ZMAT5: variants seen among roughly 807,000 people sequenced by gnomAD.
The protein encoded by ZMAT5 is zinc finger matrin-type protein 5.
A neutral mutation model predicts 28.0 loss-of-function variants in ZMAT5; 23 were observed. The ratio of observed to expected loss-of-function variants is 0.82; its 90% CI spans 0.59 to 1.16. ZMAT5 has a LOEUF of 1.16. Among genes scored for constraint, ZMAT5 ranks in the 50% most tolerant of loss-of-function variants. The pLI, the probability that ZMAT5 is intolerant of heterozygous loss-of-function variation, is 0.00. For missense variants in ZMAT5, 173 were observed against 212.7 expected, an observed-to-expected ratio of 0.81 and a Z score of 1.16; for synonymous variants, 76 against 84.1, an observed-to-expected ratio of 0.90 and a Z score of 0.52.
intron 5 of ZMAT5, among the ~76,000 whole-genome samples, chr22:29,735,654 C>A (rs2147215611): frequency 6.6e-6 from 1 of 152,278 alleles, no homozygotes; most frequent in East Asian, 1.9e-4. Flanking sequence ...TCAGGATGGC[C>A]CCACCTCCTG....
intron 2 of ZMAT5, chr22:29,747,996 C>T (rs879294095): frequency 1.4e-5 from 4 of 287,584 alleles, no homozygotes; most frequent in Non-Finnish European, 2.8e-5. Context: ...CCTCCACAGG[C>T]TTGGAAGATC....
intron 1 of ZMAT5, 100 bp from the exon 2 acceptor site, chr22:29,748,671 T>A (rs2232897): frequency 6.9e-7 from 1 of 1,452,894 alleles, no homozygotes; most frequent in Admixed American, 2.0e-5. Context: ...GCCCAGGCTT[T>A]ACTCATATGC....
intron 1 of ZMAT5, among the ~76,000 whole-genome samples, chr22:29,764,573 T>G (rs1036175914): frequency 6.6e-6 from 1 of 152,180 alleles, no homozygotes; most frequent in Admixed American, 6.5e-5. Context: ...CGATCTCAGT[T>G]AGTGGCAGCC....
intron 5 of ZMAT5, 90 bp from the exon 6 acceptor site, chr22:29,731,444 T>C: frequency 1.4e-6 from 2 of 1,478,720 alleles, no homozygotes; most frequent in Non-Finnish European, 1.8e-6. Flanking sequence ...CCACCCTGGC[T>C]GTGGGGAGGG....
intron 4 of ZMAT5, among the ~76,000 whole-genome samples, chr22:29,740,004 G>T (rs1356858452): frequency 2.0e-5 from 3 of 152,252 alleles, no homozygotes; most frequent in African/African-American, 7.2e-5. Context: ...GAGACCTGGA[G>T]TCTGCCCCCA....
At chr22:29,755,922 A>C (rs2068097475) in intron 1 of ZMAT5, among the ~76,000 whole-genome samples, 1 of 152,344 alleles carries the variant, frequency 6.6e-6, no homozygotes, top group African/African-American at 2.4e-5. Context: ...GGCTGACCCC[A>C]GAGCCCACTC....
chr22:29,757,198 A>G (rs2068110061), intron 1 of ZMAT5, among the ~76,000 whole-genome samples: 1 of 144,732 alleles, frequency 6.9e-6, no homozygotes, highest in South Asian at 2.3e-4. Flanking sequence ...CCTGGACAAC[A>G]GGGTGAGACC....
At chr22:29,756,580 G>A (rs2068103454) in intron 1 of ZMAT5, among the ~76,000 whole-genome samples, 1 of 152,130 alleles carries the variant, frequency 6.6e-6, no homozygotes, top group African/African-American at 2.4e-5. Context: ...ACAGGGCCAG[G>A]ATGTAAGAAA....
intron 1 of ZMAT5, among the ~76,000 whole-genome samples, chr22:29,763,120 C>T (rs1219171011): frequency 6.6e-6 from 1 of 151,874 alleles, no homozygotes; most frequent in Non-Finnish European, 1.5e-5. Context: ...TGGTGAAAAC[C>T]CATCTGTACT....
At position 29,731,246 on chromosome 22, in the gene ZMAT5, C is replaced by T. The variant is rs2067839323; in HGVS notation, c.492G>A (p.Gln164=). 1 of 1,510,848 alleles carries T rather than the reference C, an allele frequency of 6.6e-7. No homozygotes were observed. Among genetic ancestry groups the T allele is most frequent in the Non-Finnish European group, 8.7e-7 (1 of 1,143,076 alleles). 93.6% of individuals were successfully genotyped at this position (1,510,848 alleles called of 1,614,324 possible). A position where few individuals can be genotyped will look rare whatever the true frequency, so the allele number is the denominator to read the frequency against. ...RAPPPGGWPL[Q]PRVQWG ...GGGCTCAGCCCCACTGGACTCTGGG[C>T]TGCAGAGGCCACCCCCCAGGTGGGG... Residue 164 remains glutamine (Q), a synonymous_variant, in exon 6 of 6, where the codon CAG becomes CAA. Transcript: ENST00000344318.
chr22:29,740,569 C>A, intron 4 of ZMAT5, 81 bp downstream of exon 4: 1 of 1,409,684 alleles, frequency 7.1e-7, no homozygotes. Flanking sequence ...GATAGGGAGG[C>A]ATAGGCCAGC....
intron 4 of ZMAT5, 144 bp from the exon 5 acceptor site, chr22:29,738,585 G>A: frequency 3.1e-6 from 2 of 648,092 alleles, no homozygotes; most frequent in African/African-American, 1.8e-5. Context: ...CACCTGGACT[G>A]CTTCTCCAGG....
At chr22:29,742,038 G>A (rs1458017785) in intron 3 of ZMAT5, among the ~76,000 whole-genome samples, 3 of 152,094 alleles carry the variant, frequency 2.0e-5, no homozygotes. Context: ...TTCTGATCCT[G>A]AACTTCCTCA....
chr22:29,737,331 A>AAAAG (rs892582260), intron 5 of ZMAT5, among the ~76,000 whole-genome samples: 2 of 152,188 alleles, frequency 1.3e-5, no homozygotes, highest in Admixed American at 6.5e-5. Flanking sequence ...CCATCACAAA[A>AAAAG]AAAGAAAGAA....
At chr22:29,733,508 C>A (rs1027464165) in intron 5 of ZMAT5, among the ~76,000 whole-genome samples, 1 of 152,238 alleles carries the variant, frequency 6.6e-6, no homozygotes, top group Non-Finnish European at 1.5e-5. Context: ...ACATCCCCTG[C>A]TTCATGGCTC....
At position 29,742,392 on chromosome 22, in the gene ZMAT5, G is replaced by C. The variant is rs539943416; in HGVS notation, c.190+26C>G. On this transcript the variant is annotated intron_variant, in intron 3 of 5. Coordinates refer to ENST00000344318, the MANE Select transcript of ZMAT5 (RefSeq NM_001003692.2). Reference sequence around the variant, plus strand: ...GCTGGATATCGCAGGTCCCCGCAGGGACCTGAGCTGTGCAGAGGACTTTAC... The same window carrying C: ...GCTGGATATCGCAGGTCCCCGCAGGCACCTGAGCTGTGCAGAGGACTTTAC... 4.5e-5 allele frequency: 73 copies of C among 1,611,444 alleles called. 1 individual carries two copies. In the South Asian group the frequency reaches 7.9e-4, roughly 17 times the overall value.
intron 1 of ZMAT5, among the ~76,000 whole-genome samples, chr22:29,750,800 CAGG>C (rs1258658031): frequency 6.6e-6 from 1 of 152,132 alleles, no homozygotes; most frequent in Non-Finnish European, 1.5e-5. Context: ...GAACACAGCT[CAGG>C]AGGAGGAGAC....
At chr22:29,745,560 A>G (rs2068001963) in intron 2 of ZMAT5, among the ~76,000 whole-genome samples, 1 of 152,232 alleles carries the variant, frequency 6.6e-6, no homozygotes, top group Admixed American at 6.5e-5. Context: ...GAGGACCCAC[A>G]GGCACCATGC....
intron 1 of ZMAT5, among the ~76,000 whole-genome samples, chr22:29,759,923 G>A (rs376557567): frequency 1.3e-5 from 2 of 152,010 alleles, no homozygotes; most frequent in Non-Finnish European, 2.9e-5. Flanking sequence ...AAATTAGGCC[G>A]GGCACGGTGG....
Sources: gnomAD v4.1 joint callset for allele counts (sites outside exome capture counted in the v4.1 genomes callset) on GRCh38, gnomAD v4.1.1 for gene constraint, MANE v1.5 for transcripts, NCBI Gene and HGNC (gene_info 2026-07-23, HGNC 2026-07-21) for gene names.